Variants in FRMD5 observed in about 807,000 individuals in gnomAD.
FRMD5 encodes FERM domain-containing protein 5.
In FRMD5, 20 loss-of-function variants were observed where a neutral mutation model predicts 69.0. The observed-to-expected ratio is 0.29, with a 90% CI of 0.20 to 0.42. The LOEUF (loss-of-function observed/expected upper bound fraction) is 0.42. FRMD5 is among the 10% of genes least tolerant of loss of function. The pLI is 1.00. For missense variants in FRMD5, 595 were observed against 708.6 expected (o/e 0.84, Z 1.82); for synonymous variants, 271 against 260.1 (o/e 1.04, Z -0.40).
At chr15:44,056,983 T>C (rs960227184) in intron 1 of FRMD5, among the ~76,000 whole-genome samples, 1 of 152,152 alleles carries the variant, frequency 6.6e-6, no homozygotes, top group African/African-American at 2.4e-5. Flanking sequence ...CACCAGGGCA[T>C]GGAATCTGGC....
intron 1 of FRMD5, among the ~76,000 whole-genome samples, chr15:44,109,587 G>T (rs1035138951): frequency 2.7e-5 from 4 of 150,016 alleles, no homozygotes; most frequent in Non-Finnish European, 5.9e-5. Context: ...CCCAACTATT[G>T]ACATCCCACC....
chr15:43,935,876 T>C (rs779941176), intron 1 of FRMD5, among the ~76,000 whole-genome samples: 4 of 152,162 alleles, frequency 2.6e-5, no homozygotes, highest in Non-Finnish European at 4.4e-5. Flanking sequence ...TGGAAAACCA[T>C]TGGGAAAAAC....
At chr15:44,024,909 C>T (rs894936334) in intron 1 of FRMD5, among the ~76,000 whole-genome samples, 1 of 152,216 alleles carries the variant, frequency 6.6e-6, no homozygotes, top group Non-Finnish European at 1.5e-5. Context: ...TACATCCTCA[C>T]TCAATTCATA....
intron 1 of FRMD5, among the ~76,000 whole-genome samples, chr15:44,186,060 T>C (rs2078095573): frequency 6.6e-6 from 1 of 152,102 alleles, no homozygotes; most frequent in African/African-American, 2.4e-5. Context: ...CCAGAGTAGC[T>C]GGGATTACAG....
At chr15:44,147,405 C>G (rs1010278864) in intron 1 of FRMD5, among the ~76,000 whole-genome samples, 1 of 152,046 alleles carries the variant, frequency 6.6e-6, no homozygotes, top group Non-Finnish European at 1.5e-5. Flanking sequence ...AGTCGGGTAG[C>G]GTGATGCCTC....
intron 1 of FRMD5, among the ~76,000 whole-genome samples, chr15:44,114,737 C>T (rs143535856): frequency 5.9e-5 from 9 of 152,202 alleles, no homozygotes; most frequent in African/African-American, 2.2e-4. Context: ...ACCCTTATTC[C>T]ATGAATATTT....
intron 1 of FRMD5, among the ~76,000 whole-genome samples, chr15:44,165,007 G>GCT: frequency 6.6e-6 from 1 of 152,122 alleles, no homozygotes; most frequent in Non-Finnish European, 1.5e-5. Context: ...CTGGGTCCTG[G>GCT]GTGCTCCCTA....
At chr15:43,917,682 G>A (rs2089417902) in intron 4 of FRMD5, 1 of 152,276 alleles carries the variant, frequency 6.6e-6, no homozygotes, top group Non-Finnish European at 1.5e-5. Context: ...ACCACACCTG[G>A]CCTGAAATTT....
chr15:43,936,907 A>G (rs1377426462), intron 1 of FRMD5, among the ~76,000 whole-genome samples: 2 of 152,052 alleles, frequency 1.3e-5, no homozygotes, highest in Non-Finnish European at 2.9e-5. Context: ...TTCCAGGAAG[A>G]TCGCTAACTG....
chr15:43,895,692 G>A (rs1253625076), intron 7 of FRMD5, among the ~76,000 whole-genome samples: 2 of 152,326 alleles, frequency 1.3e-5, no homozygotes, highest in East Asian at 3.9e-4. Flanking sequence ...GAAGGCCACC[G>A]CAAGACCCTG....
chr15:44,133,519 T>C (rs908321728), intron 1 of FRMD5, among the ~76,000 whole-genome samples: 1 of 142,344 alleles, frequency 7.0e-6, no homozygotes, highest in African/African-American at 2.6e-5. Flanking sequence ...GAGCTTTCAG[T>C]GAGCTGAGAT....
intron 1 of FRMD5, among the ~76,000 whole-genome samples, chr15:44,001,779 T>C (rs1008971976): frequency 6.6e-6 from 1 of 152,042 alleles, no homozygotes; most frequent in Non-Finnish European, 1.5e-5. Context: ...GCTAATTTTT[T>C]TGTATTTTTT....
At chr15:44,121,685 C>T (rs897302267) in intron 1 of FRMD5, among the ~76,000 whole-genome samples, 1 of 151,660 alleles carries the variant, frequency 6.6e-6, no homozygotes, top group Non-Finnish European at 1.5e-5. Flanking sequence ...AAAAAAACTC[C>T]TTATATGACA....
chr15:43,940,853 C>T (rs137917816), intron 1 of FRMD5, among the ~76,000 whole-genome samples: 9 of 152,198 alleles, frequency 5.9e-5, no homozygotes, highest in Non-Finnish European at 1.0e-4. Context: ...ATCTTTAAAT[C>T]GAGTATTATC....
intron 1 of FRMD5, among the ~76,000 whole-genome samples, chr15:44,142,640 C>T (rs1053460247): frequency 3.3e-5 from 5 of 152,024 alleles, no homozygotes; most frequent in Admixed American, 1.3e-4. Context: ...GAACTGGTAA[C>T]GCTAAGAAAT....
Position 43,919,493 on chromosome 15 carries a change from C to T in FRMD5, c.295G>A (p.Ala99Thr), listed in dbSNP as rs766869133. 3 of 1,614,000 alleles carry T rather than the reference C, an allele frequency of 1.9e-6. No homozygotes were observed. Among genetic ancestry groups the T allele is most frequent in the Non-Finnish European group, 2.5e-6 (3 of 1,180,012 alleles). The change falls in exon 4 of 14, where the codon GCA (alanine) becomes ACA (threonine). Residue 99 changes from alanine (A) to threonine (T), a missense_variant. This residue lies in a region of FRMD5 where 79 missense variants were observed against 139.9 expected (regional missense o/e 0.56). Transcript: ENST00000417257. ...TCTTCTTTCAGAGCAGCAGGGTCTG[C>T]AGGATAAAACTTCACACGGAAGCAC... is the stretch of plus-strand genomic sequence containing the variant. ...TMCFRVKFYP[A>T]DPAALKEEIT... is the part of the protein sequence containing the mutation.
At chr15:43,996,568 A>G (rs1889933604) in intron 1 of FRMD5, among the ~76,000 whole-genome samples, 1 of 151,958 alleles carries the variant, frequency 6.6e-6, no homozygotes, top group African/African-American at 2.4e-5. Context: ...AGTTGTTTAC[A>G]TTGATATTTC....
chr15:43,907,816 A>AT (rs1024041028), intron 5 of FRMD5, among the ~76,000 whole-genome samples: 6 of 151,946 alleles, frequency 3.9e-5, no homozygotes, highest in African/African-American at 1.4e-4. Context: ...TAATTTTTAA[A>AT]TTTTTTGTAG....
At chr15:44,189,259 T>G (rs1266039682) in intron 1 of FRMD5, among the ~76,000 whole-genome samples, 1 of 152,044 alleles carries the variant, frequency 6.6e-6, no homozygotes, top group Admixed American at 6.6e-5. Context: ...ATACAACAAT[T>G]ACAACTGTTG....
Sources: allele counts gnomAD v4.1 joint callset (sites outside exome capture counted in the v4.1 genomes callset), GRCh38; gene constraint gnomAD v4.1.1; regional missense constraint gnomAD v4.1.1; transcripts MANE v1.5; gene names NCBI Gene and HGNC (gene_info 2026-07-23, HGNC 2026-07-21).